The following C1orf21 variants were observed in gnomAD, a reference collection of about 807,000 sequenced individuals.
The protein encoded by C1orf21 is chromosome 1 open reading frame 21.
Under a neutral mutation model 18.7 loss-of-function variants are expected in C1orf21, and 3 were observed. The ratio of observed to expected loss-of-function variants is 0.16; its 90% confidence interval spans 0.07 to 0.42. C1orf21 has a LOEUF of 0.42. C1orf21 is among the 10% of genes least tolerant of loss of function. C1orf21 has a pLI of 0.99. For missense variants in C1orf21, 104 were observed against 143.6 expected (o/e 0.72, Z 1.41); for synonymous variants, 41 against 46.4 (o/e 0.88, Z 0.47).
chr1:184,524,326 T>C (rs1557993808), intron 3 of C1orf21, among the ~76,000 whole-genome samples: 1 of 152,212 alleles, frequency 6.6e-6, no homozygotes, highest in Non-Finnish European at 1.5e-5. Context: ...CTAAAGACTT[T>C]GTTAATTCTA....
At position 184,538,096 on chromosome 1, in the gene C1orf21, T is replaced by A. The variant is rs577610315; in HGVS notation, c.189+30414T>A. ...ATTCCCACCAACAGTGTACAAGAAT[T>A]CTAGTTACTCTGCATCCTCACCAAC... On this transcript the variant is annotated intron_variant, in intron 3 of 5. Coordinates refer to ENST00000235307, the MANE Select transcript of C1orf21 (RefSeq NM_030806.4). 6.5e-4 allele frequency among the ~76,000 whole-genome samples: 95 copies of A among 146,280 alleles called. 1 individual carries two copies. The highest frequency in any genetic ancestry group is 2.2e-3 in the African/African-American group (84 of 38,648).
In C1orf21 at chr1:184,590,831, T is replaced by C. The variant is rs1218954881; in HGVS notation, c.266+16T>C. The C allele has an allele frequency of 6.2e-7, 1 of 1,605,486 alleles. No individual in the cohort carries two copies. Among genetic ancestry groups the C allele is most frequent in the Admixed American group, 1.7e-5 (1 of 60,006 alleles). On this transcript the variant is annotated intron_variant, in intron 4 of 5. Transcript: ENST00000235307. ...CCAGAGCAAAGTAAGTTCTAGTTTCTGTTTTCCTTATATAGTCGGCCTTCC... is the reference window on the plus strand; with the variant it reads ...CCAGAGCAAAGTAAGTTCTAGTTTCCGTTTTCCTTATATAGTCGGCCTTCC...
At chr1:184,508,449 A>G (rs1658098676) in intron 3 of C1orf21, among the ~76,000 whole-genome samples, 1 of 152,158 alleles carries the variant, frequency 6.6e-6, no homozygotes, top group Admixed American at 6.6e-5. Flanking sequence ...ACTGAGTTAA[A>G]AAGGTATTTT....
chr1:184,423,034 T>C (rs1207628516), intron 1 of C1orf21, among the ~76,000 whole-genome samples: 1 of 152,218 alleles, frequency 6.6e-6, no homozygotes, highest in Non-Finnish European at 1.5e-5. Flanking sequence ...AAACTATTTA[T>C]CCTCCCTTAA....
At chr1:184,466,253 A>G (rs1420095633) in intron 1 of C1orf21, among the ~76,000 whole-genome samples, 8 of 152,116 alleles carry the variant, frequency 5.3e-5, no homozygotes, top group Non-Finnish European at 8.8e-5. Context: ...CCTCACTTTT[A>G]TGTTTTGTTA....
chr1:184,435,455 TGCCTCA>T (rs1220722207), intron 1 of C1orf21, among the ~76,000 whole-genome samples: 1 of 152,214 alleles, frequency 6.6e-6, no homozygotes, highest in African/African-American at 2.4e-5. Flanking sequence ...GCAATTCTCC[TGCCTCA>T]GCCTCCCGAG....
chr1:184,440,916 G>C (rs1656933351), intron 1 of C1orf21, among the ~76,000 whole-genome samples: 1 of 152,142 alleles, frequency 6.6e-6, no homozygotes, highest in African/African-American at 2.4e-5. Context: ...TTTGAATGTT[G>C]ACACCAGAGA....
At chr1:184,581,300 A>G (rs1277413399) in intron 3 of C1orf21, among the ~76,000 whole-genome samples, 1 of 152,044 alleles carries the variant, frequency 6.6e-6, no homozygotes, top group Non-Finnish European at 1.5e-5. Context: ...GGTGGCATGC[A>G]TCTGTAATCC....
intron 5 of C1orf21, among the ~76,000 whole-genome samples, chr1:184,608,413 A>G (rs1221835766): frequency 6.6e-6 from 1 of 152,200 alleles, no homozygotes; most frequent in African/African-American, 2.4e-5. Flanking sequence ...GTGCTAACAT[A>G]TGGGCTATGG....
chr1:184,472,121 A>G (rs1434255886), intron 1 of C1orf21, among the ~76,000 whole-genome samples: 1 of 151,978 alleles, frequency 6.6e-6, no homozygotes, highest in Non-Finnish European at 1.5e-5. Flanking sequence ...AAACAGACTG[A>G]TTAGTTATTT....
intron 2 of C1orf21, among the ~76,000 whole-genome samples, chr1:184,493,390 AG>A (rs1657845936): frequency 6.6e-6 from 1 of 152,266 alleles, no homozygotes; most frequent in Admixed American, 6.5e-5. Context: ...TAAAAGAGTA[AG>A]GGTGAAGTGA....
rs1300533946 is a variant in C1orf21 at position 184,625,556 on chromosome 1, A to G, written c.*6000A>G. 4 of 152,736 alleles carry G rather than the reference A, an allele frequency of 2.6e-5. No individual in the cohort carries two copies. The highest frequency in any genetic ancestry group is 5.9e-5 in the Non-Finnish European group (4 of 68,024). The allele number at this position is 152,736 out of a possible 1,614,324, so 9.5% of individuals were successfully genotyped here. A position where few individuals can be genotyped will look rare whatever the true frequency, so the allele number is the denominator to read the frequency against. Reference sequence around the variant, plus strand: ...TTAACACACATACACATACACGCGCATACATACATATACAGAGAGATACGT... The same window carrying G: ...TTAACACACATACACATACACGCGCGTACATACATATACAGAGAGATACGT... On this transcript the variant is annotated 3_prime_UTR_variant, in exon 6 of 6. Transcript: ENST00000235307.
At chr1:184,494,654 C>T (rs1187295800) in intron 2 of C1orf21, among the ~76,000 whole-genome samples, 1 of 152,052 alleles carries the variant, frequency 6.6e-6, no homozygotes, top group Non-Finnish European at 1.5e-5. Context: ...AATTTTGTAC[C>T]AATACAAGCT....
chr1:184,445,204 C>T (rs977477823), intron 1 of C1orf21, among the ~76,000 whole-genome samples: 2 of 152,194 alleles, frequency 1.3e-5, no homozygotes, highest in African/African-American at 2.4e-5. Flanking sequence ...GAAGCTGTCA[C>T]TGACTTATGA....
intron 4 of C1orf21, among the ~76,000 whole-genome samples, chr1:184,597,009 C>A (rs746989609): frequency 6.6e-6 from 1 of 152,038 alleles, no homozygotes; most frequent in Non-Finnish European, 1.5e-5. Flanking sequence ...GTGCTTGAGA[C>A]GGTGAAAACA....
chr1:184,533,247 T>G (rs1383133320), intron 3 of C1orf21, among the ~76,000 whole-genome samples: 1 of 151,928 alleles, frequency 6.6e-6, no homozygotes. Flanking sequence ...TCCCACCACA[T>G]CCTCTTCCCC....
rs560046560 is a variant in C1orf21, at chr1:184,419,880, G to T, written c.-125+32512G>T. ...GGAGGCAAGGGCACAGCGCCAGATT[G>T]TGTGAGGCCCTGGAGGCCACTGAGG... On this transcript the variant is annotated intron_variant, in intron 1 of 5. Transcript: ENST00000235307. 3.9e-5 allele frequency among the ~76,000 whole-genome samples: 6 copies of T among 152,292 alleles called. No homozygotes were observed. In the South Asian group the frequency reaches 1.0e-3, roughly 26 times the overall value.
At chr1:184,469,619 T>C (rs1482303050) in intron 1 of C1orf21, among the ~76,000 whole-genome samples, 1 of 152,214 alleles carries the variant, frequency 6.6e-6, no homozygotes, top group African/African-American at 2.4e-5. Context: ...TTGTAGTTTA[T>C]GGTGTTAGGG....
intron 3 of C1orf21, among the ~76,000 whole-genome samples, chr1:184,548,891 A>G (rs181490900): frequency 1.3e-4 from 20 of 152,254 alleles, no homozygotes; most frequent in Admixed American, 1.1e-3. Flanking sequence ...CTCCTTTAAA[A>G]TTACCATAGT....
Sources: gnomAD v4.1 joint callset for allele counts (sites outside exome capture counted in the v4.1 genomes callset) on GRCh38, gnomAD v4.1.1 for gene constraint, MANE v1.5 for transcripts, NCBI Gene and HGNC (gene_info 2026-07-23, HGNC 2026-07-21) for gene names.